The following SLAMF6 variants were observed in gnomAD, a reference collection of about 807,000 sequenced individuals.
SLAMF6 encodes the protein NK-T-B-antigen.
In SLAMF6, 21 loss-of-function variants were observed where a neutral mutation model predicts 38.3. The observed-to-expected ratio is 0.55, with a 90% confidence interval of 0.39 to 0.79. SLAMF6 has a LOEUF of 0.79. Among genes scored for constraint, SLAMF6 ranks in the 30% least tolerant of loss-of-function variants. The pLI, the probability that SLAMF6 is intolerant of heterozygous loss-of-function variation, is 0.00. For missense variants in SLAMF6, 341 were observed against 385.3 expected (o/e 0.89, Z 0.96); for synonymous variants, 152 against 146.3 (o/e 1.04, Z -0.28).
chr1:160,501,220 C>A (rs1269691097), intron 1 of SLAMF6, among the ~76,000 whole-genome samples: 1 of 152,142 alleles, frequency 6.6e-6, no homozygotes, highest in African/African-American at 2.4e-5. Flanking sequence ...AGTTTCTAGA[C>A]TGGAAACTGG....
rs142903848 is a variant in SLAMF6, at chr1:160,517,699, T to G, written c.49+5445A>C. 4.8e-3 allele frequency among the ~76,000 whole-genome samples: 733 copies of G among 152,302 alleles called. 10 individuals carry two copies. Among genetic ancestry groups the G allele is most frequent in the East Asian group, 0.039 (202 of 5,190 alleles). ...TCAAAAGGAATGAGATCATGTCCTTTGCAGGAATGTGGATGAAGCTGGAAG... is the reference window on the plus strand; with the variant it reads ...TCAAAAGGAATGAGATCATGTCCTTGGCAGGAATGTGGATGAAGCTGGAAG... On this transcript the variant is annotated intron_variant, in intron 1 of 7. Coordinates refer to ENST00000368057, the MANE Select transcript of SLAMF6 (RefSeq NM_001184714.2).
chr1:160,494,719 GC>G (rs944392040), intron 2 of SLAMF6, among the ~76,000 whole-genome samples: 4 of 152,100 alleles, frequency 2.6e-5, no homozygotes, highest in Non-Finnish European at 5.9e-5. Flanking sequence ...GCAGCCACAA[GC>G]CAAAGAAAAC....
intron 1 of SLAMF6, among the ~76,000 whole-genome samples, chr1:160,511,947 A>T (rs1333289450): frequency 6.6e-6 from 1 of 152,146 alleles, no homozygotes; most frequent in Non-Finnish European, 1.5e-5. Context: ...GTGGTGAGTG[A>T]TTGTGCTACC....
At chr1:160,504,677 T>C (rs910467441) in intron 1 of SLAMF6, among the ~76,000 whole-genome samples, 19 of 152,160 alleles carry the variant, frequency 1.2e-4, no homozygotes, top group Admixed American at 1.2e-3. Context: ...ACATTTCTCA[T>C]AAACACTGAA....
At chr1:160,498,901 A>G (rs1020517585) in intron 1 of SLAMF6, among the ~76,000 whole-genome samples, 1 of 152,006 alleles carries the variant, frequency 6.6e-6, no homozygotes, top group East Asian at 1.9e-4. Context: ...CCCATTTTTT[A>G]ATGGGGTTAT....
chr1:160,516,080 G>A (rs1464699617), intron 1 of SLAMF6, among the ~76,000 whole-genome samples: 3 of 152,156 alleles, frequency 2.0e-5, no homozygotes, highest in African/African-American at 7.2e-5. Flanking sequence ...GTTTGCAGAT[G>A]ACACGATCCT....
At chr1:160,491,851 G>A (rs1302605445) in intron 2 of SLAMF6, among the ~76,000 whole-genome samples, 1 of 152,132 alleles carries the variant, frequency 6.6e-6, no homozygotes, top group Non-Finnish European at 1.5e-5. Context: ...ACCTAATTGG[G>A]GTGGAAGATG....
At chr1:160,488,231 A>AGAGTGT (rs1043957075) in intron 6 of SLAMF6, among the ~76,000 whole-genome samples, 1 of 151,904 alleles carries the variant, frequency 6.6e-6, no homozygotes, top group Non-Finnish European at 1.5e-5. Flanking sequence ...TTGATTTGTC[A>AGAGTGT]GAGTGTGAGT....
chr1:160,488,974 C>T, intron 6 of SLAMF6, 114 bp downstream of exon 6: 1 of 937,356 alleles, frequency 1.1e-6, no homozygotes, highest in South Asian at 1.4e-5. Flanking sequence ...GTCGCTGTGG[C>T]TGTCTTCTCC....
intron 5 of SLAMF6, 56 bp downstream of exon 5, chr1:160,490,142 C>A (rs747320837): frequency 9.5e-6 from 15 of 1,583,650 alleles, no homozygotes; most frequent in East Asian, 4.5e-5. Context: ...CCTCTCTCTT[C>A]CATTTGGCTC....
chr1:160,489,675 C>T (rs1653169239), intron 5 of SLAMF6, among the ~76,000 whole-genome samples: 2 of 152,188 alleles, frequency 1.3e-5, no homozygotes, highest in South Asian at 4.1e-4. Flanking sequence ...CGTCTTCTGA[C>T]TTCAAACCTT....
intron 1 of SLAMF6, among the ~76,000 whole-genome samples, chr1:160,500,854 C>T (rs1484217960): frequency 6.6e-6 from 1 of 152,162 alleles, no homozygotes; most frequent in Non-Finnish European, 1.5e-5. Context: ...TGGGCTTACT[C>T]AGTGGCCTAA....
In SLAMF6 at chr1:160,491,371, G is replaced by C. The variant is rs770575805; in HGVS notation, c.400C>G (p.Gln134Glu). ...LRILRQLRNI[Q>E]VTNHSQLFQN... ...AATAGCTGACTGTGATTGGTAACTT[G>C]TATGTTCCTCAGTTGTCCTGTTTGC... is the stretch of plus-strand genomic sequence containing the variant. Residue 134 changes from glutamine (Q) to glutamate (E), a missense_variant, in exon 3 of 8, where the codon CAA (glutamine) becomes GAA (glutamate). Gln to Glu is a conservative substitution (Grantham distance 29, BLOSUM62 2). Transcript: ENST00000368057. 1.9e-6 allele frequency: 3 copies of C among 1,613,414 alleles called. No individual in the cohort carries two copies. The highest frequency in any genetic ancestry group is 1.7e-5 in the Admixed American group (1 of 59,974).
intron 1 of SLAMF6, among the ~76,000 whole-genome samples, chr1:160,505,821 A>G (rs1654154735): frequency 6.6e-6 from 1 of 152,208 alleles, no homozygotes; most frequent in Non-Finnish European, 1.5e-5. Context: ...AATAATAACA[A>G]GGAGCCAAGT....
intron 1 of SLAMF6, among the ~76,000 whole-genome samples, chr1:160,500,654 T>C (rs1176396430): frequency 6.6e-6 from 1 of 152,154 alleles, no homozygotes; most frequent in African/African-American, 2.4e-5. Context: ...ACCTCTCCAC[T>C]AGAATGTAAT....
chr1:160,495,748 A>G (rs1028766986), intron 2 of SLAMF6, among the ~76,000 whole-genome samples: 7 of 152,248 alleles, frequency 4.6e-5, no homozygotes, highest in African/African-American at 1.7e-4. Context: ...TGAGAATTAC[A>G]TGGCAAATAC....
chr1:160,489,352 G>A (rs1180564156), intron 5 of SLAMF6, among the ~76,000 whole-genome samples, 182 bp from the exon 6 acceptor site: 1 of 152,072 alleles, frequency 6.6e-6, no homozygotes, highest in Non-Finnish European at 1.5e-5. Flanking sequence ...TCAGTCATGT[G>A]GTCTATTTCT....
intron 1 of SLAMF6, among the ~76,000 whole-genome samples, chr1:160,505,511 C>T (rs1654137309): frequency 6.6e-6 from 1 of 152,202 alleles, no homozygotes; most frequent in East Asian, 1.9e-4. Context: ...AAGTCATCCT[C>T]CCACCTCAGC....
intron 1 of SLAMF6, among the ~76,000 whole-genome samples, chr1:160,520,519 A>T (rs904518416): frequency 2.1e-4 from 32 of 152,330 alleles, no homozygotes; most frequent in Admixed American, 7.2e-4. Context: ...AGTAATTTAT[A>T]TGCACATTTA....
Sources: gnomAD v4.1 joint callset for allele counts (sites outside exome capture counted in the v4.1 genomes callset) on GRCh38, gnomAD v4.1.1 for gene constraint, MANE v1.5 for transcripts, NCBI Gene and HGNC (gene_info 2026-07-23, HGNC 2026-07-21) for gene names.